WDFY3: variants seen among roughly 807,000 people sequenced by gnomAD.
WDFY3 encodes the protein WD repeat and FYVE domain containing 3, also known as WD repeat and FYVE domain-containing protein 3.
WDFY3 carries 66 observed loss-of-function variants against 409.6 expected under a neutral mutation model. That is an observed-to-expected ratio of 0.16 (90% CI 0.13 to 0.20). The LOEUF is 0.20. WDFY3 is among the 10% of genes least tolerant of loss of function. The pLI, the probability that WDFY3 is intolerant of heterozygous loss-of-function variation, is 1.00. For missense variants in WDFY3, 3,031 were observed against 4,298.1 expected, an observed-to-expected ratio of 0.71 and a Z score of 8.24; for synonymous variants, 1,521 against 1,537.1, an observed-to-expected ratio of 0.99 and a Z score of 0.25.
intron 66 of WDFY3, among the ~76,000 whole-genome samples, chr4:84,677,815 T>C (rs1726567301): frequency 6.6e-6 from 1 of 151,198 alleles, no homozygotes; most frequent in African/African-American, 2.4e-5. Flanking sequence ...ATACAAAAAT[T>C]AGCCGGGTGT....
chr4:84,791,485 C>G (rs1748511226), intron 21 of WDFY3, among the ~76,000 whole-genome samples: 1 of 152,144 alleles, frequency 6.6e-6, no homozygotes, highest in Admixed American at 6.5e-5. Flanking sequence ...CTCTACAACA[C>G]TGCAACTATA....
chr4:84,679,651 G>A (rs1726986776), intron 64 of WDFY3, among the ~76,000 whole-genome samples: 1 of 151,936 alleles, frequency 6.6e-6, no homozygotes, highest in Admixed American at 6.6e-5. Flanking sequence ...CAATCTCTGT[G>A]GGTTCCGATG....
intron 58 of WDFY3, among the ~76,000 whole-genome samples, chr4:84,693,919 T>C (rs1461874084): frequency 6.6e-6 from 1 of 150,904 alleles, no homozygotes; most frequent in Admixed American, 6.6e-5. Context: ...AAAAAGTACA[T>C]TTAAGATTAC....
intron 54 of WDFY3, 131 bp from the exon 55 acceptor site, chr4:84,704,575 T>G (rs753918110): frequency 3.2e-6 from 2 of 617,546 alleles, no homozygotes; most frequent in Non-Finnish European, 5.4e-6. Context: ...GTACTGGCAT[T>G]TGCAGCAGGA....
intron 2 of WDFY3, among the ~76,000 whole-genome samples, chr4:84,931,915 C>T (rs372547429): frequency 1.9e-4 from 29 of 152,032 alleles, no homozygotes; most frequent in African/African-American, 5.8e-4. Flanking sequence ...AGTTTCAAAG[C>T]ATGTGCTTTA....
intron 32 of WDFY3, among the ~76,000 whole-genome samples, chr4:84,762,176 C>A (rs1355127950): frequency 6.6e-6 from 1 of 151,324 alleles, no homozygotes; most frequent in Admixed American, 6.6e-5. Flanking sequence ...ATGTTTATTG[C>A]GGCACTATTC....
At chr4:84,939,262 T>C (rs1450958046) in intron 1 of WDFY3, among the ~76,000 whole-genome samples, 3 of 152,210 alleles carry the variant, frequency 2.0e-5, no homozygotes, top group Non-Finnish European at 2.9e-5. Context: ...TTATGCAGTC[T>C]TGGCCAGAAT....
chr4:84,931,364 G>T (rs982290304), intron 2 of WDFY3, among the ~76,000 whole-genome samples: 2 of 152,132 alleles, frequency 1.3e-5, no homozygotes, highest in Admixed American at 1.3e-4. Flanking sequence ...AGTCTGTTCC[G>T]GCAAATCAGT....
At chr4:84,890,233 G>A (rs966551216) in intron 3 of WDFY3, among the ~76,000 whole-genome samples, 1 of 152,024 alleles carries the variant, frequency 6.6e-6, no homozygotes, top group Middle Eastern at 3.2e-3. Flanking sequence ...CTGAGTAGCT[G>A]GTACTACAGG....
At position 84,716,998 on chromosome 4, in the gene WDFY3, A is replaced by G; in HGVS notation, c.7773T>C (p.Ile2591=). 6.2e-7 allele frequency: 1 copy of G among 1,605,834 alleles called. No homozygotes were observed. The highest frequency in any genetic ancestry group is 1.7e-5 in the Admixed American group (1 of 58,844). The part of the protein sequence containing the change: ...TLPPNMHEPI[I]PRGARQGPSQ... ...TAGGGCCTTGCCTGGCTCCTCTAGG[A>G]ATAATAGGCTCATGCATACTACAGG... Residue 2591 remains isoleucine (I), a synonymous_variant, in exon 49 of 68, where the codon ATT becomes ATC. Coordinates refer to ENST00000295888, the MANE Select transcript of WDFY3 (RefSeq NM_014991.6).
At chr4:84,875,911 C>A (rs1285418692) in intron 3 of WDFY3, among the ~76,000 whole-genome samples, 1 of 152,118 alleles carries the variant, frequency 6.6e-6, no homozygotes, top group East Asian at 1.9e-4. Context: ...TCCTGAAGGA[C>A]CTGCCTGAAG....
rs966325037 is a variant in WDFY3 at position 84,678,239 on chromosome 4, C to T, written c.10188G>A (p.Leu3396=). Residue 3396 remains leucine, a synonymous_variant, in exon 66 of 68, where the codon CTG becomes CTA. Coordinates refer to ENST00000295888, the MANE Select transcript of WDFY3 (RefSeq NM_014991.6). ...TTCGATCAAAGGCTGTGTGCATAGTCAGCTTACTCCTGAACACCAGCTGCC... is the reference window on the plus strand; with the variant it reads ...TTCGATCAAAGGCTGTGTGCATAGTTAGCTTACTCCTGAACACCAGCTGCC... ...WERQLVFRSK[L]TMHTAFDRKD... is the part of the protein sequence containing the mutation. 1.9e-6 allele frequency: 3 copies of T among 1,614,120 alleles called. No individual in the cohort carries two copies. The highest frequency in any genetic ancestry group is 2.5e-6 in the Non-Finnish European group (3 of 1,180,018).
At chr4:84,906,891 G>A (rs950357932) in intron 2 of WDFY3, among the ~76,000 whole-genome samples, 1 of 151,600 alleles carries the variant, frequency 6.6e-6, no homozygotes, top group Non-Finnish European at 1.5e-5. Flanking sequence ...GGACACACCT[G>A]CAAATCATTT....
chr4:84,845,429 G>A (rs949453522), intron 5 of WDFY3, among the ~76,000 whole-genome samples: 1 of 152,048 alleles, frequency 6.6e-6, no homozygotes, highest in Non-Finnish European at 1.5e-5. Context: ...GAGGAGAGGG[G>A]GAAATGAGGA....
At chr4:84,825,754 T>C (rs1754775841) in intron 10 of WDFY3, among the ~76,000 whole-genome samples, 1 of 152,104 alleles carries the variant, frequency 6.6e-6, no homozygotes, top group African/African-American at 2.4e-5. Flanking sequence ...ACATATGTAT[T>C]ATAAATTTAA....
At chr4:84,859,925 T>C (rs1015985073) in intron 4 of WDFY3, among the ~76,000 whole-genome samples, 4 of 152,222 alleles carry the variant, frequency 2.6e-5, no homozygotes, top group Non-Finnish European at 5.9e-5. Context: ...ACATGTAATT[T>C]ACAAAACATA....
At chr4:84,817,339 A>T (rs1441365110) in intron 13 of WDFY3, 53 bp downstream of exon 13, 1 of 1,600,770 alleles carries the variant, frequency 6.2e-7, no homozygotes, top group Non-Finnish European at 8.5e-7. Flanking sequence ...ATCATCTAAA[A>T]ATAACCACAG....
intron 36 of WDFY3, 56 bp downstream of exon 36, chr4:84,751,427 T>C (rs1740498168): frequency 1.9e-6 from 3 of 1,540,676 alleles, no homozygotes; most frequent in African/African-American, 1.4e-5. Context: ...TGGTTACTAA[T>C]GTTCTAATTT....
chr4:84,756,878 T>C, intron 33 of WDFY3, 48 bp downstream of exon 33: 1 of 1,554,154 alleles, frequency 6.4e-7, no homozygotes, highest in Non-Finnish European at 8.8e-7. Flanking sequence ...CCTACGGTGA[T>C]TCTTTGGAAT....
Sources: gnomAD v4.1 joint callset for allele counts (sites outside exome capture counted in the v4.1 genomes callset) on GRCh38, gnomAD v4.1.1 for gene constraint, MANE v1.5 for transcripts, NCBI Gene and HGNC (gene_info 2026-07-23, HGNC 2026-07-21) for gene names.